PCDH17: variants seen among roughly 807,000 people sequenced by gnomAD.
PCDH17 encodes the protein protocadherin 17.
In PCDH17, 21 loss-of-function variants were observed where a neutral mutation model predicts 67.7. That is an observed-to-expected ratio of 0.31 (90% CI 0.22 to 0.45). The LOEUF is 0.45. PCDH17 is among the 20% of genes least tolerant of loss of function. The pLI, the probability that PCDH17 is intolerant of heterozygous loss-of-function variation, is 1.00. For missense variants in PCDH17, 1,471 were observed against 1,564.8 expected (o/e 0.94, Z 1.01); for synonymous variants, 701 against 656.7 (o/e 1.07, Z -1.03).
intron 3 of PCDH17, among the ~76,000 whole-genome samples, chr13:57,696,865 A>G (rs1463012224): frequency 1.3e-5 from 2 of 151,612 alleles, no homozygotes; most frequent in Non-Finnish European, 3.0e-5. Context: ...AGAAGAAAGG[A>G]GTCAAATATA....
Position 57,633,576 on chromosome 13 carries a change from C to T in PCDH17, c.1030C>T (p.Arg344Cys). 6.2e-7 allele frequency: 1 copy of T among 1,613,490 alleles called. No individual in the cohort carries two copies. The highest frequency in any genetic ancestry group is 8.5e-7 in the Non-Finnish European group (1 of 1,180,030). The change falls in exon 1 of 4, where the codon CGC becomes TGC. Residue 344 changes from arginine (R) to cysteine (C), a missense_variant. By Grantham distance (180) the Arg-to-Cys change is radical (BLOSUM62 -3). Coordinates refer to ENST00000377918, the MANE Select transcript of PCDH17 (RefSeq NM_001040429.3). The surrounding 1 kb of genome is among the most constrained non-coding windows in gnomAD (Gnocchi z 6.2). ...CAAAGTCACGGTCAAGCTCATCGAC[C>T]GCAACGACAATGCGCCGTCCATCGG... Reference protein sequence around the residue: ...HCKVTVKLIDRNDNAPSIGFV... With the variant: ...HCKVTVKLIDCNDNAPSIGFV...
At chr13:57,694,059 T>A (rs750546838) in intron 3 of PCDH17, among the ~76,000 whole-genome samples, 2 of 151,050 alleles carry the variant, frequency 1.3e-5, no homozygotes, top group Admixed American at 6.6e-5. Flanking sequence ...TAGCCAAGTT[T>A]TATATTTCCA....
Position 57,635,089 on chromosome 13 carries a change from C to G in PCDH17, c.2543C>G (p.Ala848Gly). 1 of 1,613,464 alleles carries G rather than the reference C, an allele frequency of 6.2e-7. No homozygotes were observed. Among genetic ancestry groups the G allele is most frequent in the Non-Finnish European group, 8.5e-7 (1 of 1,179,976 alleles). Residue 848 changes from alanine to glycine, a missense_variant, in exon 1 of 4, where the codon GCC becomes GGC. By Grantham distance (60) the Ala-to-Gly change is moderately conservative. Coordinates refer to ENST00000377918, the MANE Select transcript of PCDH17 (RefSeq NM_001040429.3). ...GGGACTAATGCAAGCGAGACCCCTG[C>G]CACTCGGATGTCCATAATTCAGGTA... ...GQGTNASETP[A>G]TRMSIIQTDN...
intron 3 of PCDH17, among the ~76,000 whole-genome samples, chr13:57,670,167 C>T (rs983649177): frequency 4.0e-5 from 6 of 151,852 alleles, no homozygotes; most frequent in African/African-American, 1.4e-4. Flanking sequence ...GAGTAGTTTA[C>T]TCAGAAATAA....
In PCDH17 at chr13:57,634,199, G is replaced by A; in HGVS notation, c.1653G>A (p.Lys551=). Residue 551 remains lysine (K), a synonymous_variant, in exon 1 of 4, where the codon AAG becomes AAA. Coordinates refer to ENST00000377918, the MANE Select transcript of PCDH17 (RefSeq NM_001040429.3). The surrounding 1 kb of genome is among the most constrained non-coding windows in gnomAD (Gnocchi z 7.8). ...AGCAGACCAAGGCTTTTGAGTTCAA[G>A]GTGCTTGCTAAGGACTCGGGGGCGC... ...NFEQTKAFEF[K]VLAKDSGAPA... is the part of the protein sequence containing the mutation. 6.2e-7 allele frequency: 1 copy of A among 1,613,486 alleles called. No homozygotes were observed. Among genetic ancestry groups the A allele is most frequent in the Non-Finnish European group, 8.5e-7 (1 of 1,180,032 alleles).
intron 1 of PCDH17, among the ~76,000 whole-genome samples, chr13:57,657,572 C>T (rs1487979498): frequency 2.6e-5 from 4 of 152,140 alleles, no homozygotes; most frequent in South Asian, 2.1e-4. Flanking sequence ...AATGTCGGTA[C>T]GAAAAGGCTT....
At chr13:57,672,219 T>G (rs957059698) in intron 3 of PCDH17, among the ~76,000 whole-genome samples, 2 of 152,052 alleles carry the variant, frequency 1.3e-5, no homozygotes, top group African/African-American at 2.4e-5. Flanking sequence ...TTTTCCTTCC[T>G]AGAACATTCT....
intron 1 of PCDH17, among the ~76,000 whole-genome samples, chr13:57,635,497 TTC>T (rs1385295780): frequency 6.6e-5 from 10 of 152,102 alleles, no homozygotes; most frequent in African/African-American, 2.4e-5. Flanking sequence ...AATATTTTTA[TTC>T]TGTTTTTTTA....
At chr13:57,693,595 A>G (rs1438561304) in intron 3 of PCDH17, among the ~76,000 whole-genome samples, 1 of 150,358 alleles carries the variant, frequency 6.7e-6, no homozygotes, top group Non-Finnish European at 1.5e-5. Context: ...TTTGGATCTT[A>G]TTATTTCAAA....
chr13:57,683,762 C>A (rs917663644), intron 3 of PCDH17, among the ~76,000 whole-genome samples: 1 of 151,840 alleles, frequency 6.6e-6, no homozygotes, highest in Non-Finnish European at 1.5e-5. Flanking sequence ...CTAATTAAAT[C>A]ATTCAATTTG....
At position 57,634,714 on chromosome 13, in the gene PCDH17, T is replaced by C. The variant is rs1593888883; in HGVS notation, c.2168T>C (p.Met723Thr). ...ATCTCCATCATCCTCCTAGCGGCCA[T>C]GATCACCATCGCCGTCAAGTGCAAG... is the stretch of plus-strand genomic sequence containing the variant. ...STISIILLAA[M>T]ITIAVKCKRE... The change falls in exon 1 of 4, where the codon ATG becomes ACG. Residue 723 changes from methionine (M) to threonine (T), a missense_variant. Physicochemically the swap from Met to Thr is moderately conservative, Grantham distance 81. Around this residue, in one of 3 missense-constraint regions of PCDH17, gnomAD observed 1,163 missense variants for 1,230.0 expected, o/e 0.95. Transcript: ENST00000377918. The surrounding 1 kb of genome is among the most constrained non-coding windows in gnomAD (Gnocchi z 7.8). 1 of 1,613,834 alleles carries C rather than the reference T, an allele frequency of 6.2e-7. No homozygotes were observed. Among genetic ancestry groups the C allele is most frequent in the Non-Finnish European group, 8.5e-7 (1 of 1,180,010 alleles).
intron 3 of PCDH17, among the ~76,000 whole-genome samples, chr13:57,680,581 T>G (rs938293748): frequency 6.8e-6 from 1 of 147,632 alleles, no homozygotes; most frequent in Non-Finnish European, 1.5e-5. Flanking sequence ...TTTAGAATGA[T>G]TTTTTTTTTA....
chr13:57,671,029 T>C (rs1352312643), intron 3 of PCDH17, among the ~76,000 whole-genome samples: 5 of 151,920 alleles, frequency 3.3e-5, no homozygotes, highest in Non-Finnish European at 5.9e-5. Context: ...TTTAGTGTGA[T>C]GGGAAAAAAA....
intron 3 of PCDH17, among the ~76,000 whole-genome samples, chr13:57,669,082 C>T (rs909088091): frequency 1.3e-5 from 2 of 151,820 alleles, no homozygotes; most frequent in African/African-American, 4.8e-5. Context: ...TGAGTGAGAA[C>T]ATGCGGTGTT....
intron 3 of PCDH17, among the ~76,000 whole-genome samples, chr13:57,679,290 C>G (rs1202877878): frequency 6.7e-6 from 1 of 150,304 alleles, no homozygotes; most frequent in African/African-American, 2.4e-5. Flanking sequence ...ACTACGAAGA[C>G]ACATTATTTA....
intron 3 of PCDH17, among the ~76,000 whole-genome samples, chr13:57,711,985 A>G (rs1223653923): frequency 6.6e-6 from 1 of 151,552 alleles, no homozygotes; most frequent in East Asian, 1.9e-4. Flanking sequence ...TAATAAAACA[A>G]CTATACTCAA....
rs150039929 is a variant in PCDH17, at chr13:57,634,745, G to T, written c.2199G>T (p.Glu733Asp). Reference protein sequence around the residue: ...MITIAVKCKRENKEIRTYNCR... With the variant: ...MITIAVKCKRDNKEIRTYNCR... ...CCATCGCCGTCAAGTGCAAGCGCGA[G>T]AACAAGGAGATCCGCACTTACAACT... Residue 733 changes from glutamate to aspartate, a missense_variant, in exon 1 of 4, where the codon GAG becomes GAT. Glu to Asp is a conservative substitution (Grantham distance 45). Coordinates refer to ENST00000377918, the MANE Select transcript of PCDH17 (RefSeq NM_001040429.3). The surrounding 1 kb of genome is among the most constrained non-coding windows in gnomAD (Gnocchi z 7.8). The T allele has an allele frequency of 7.5e-4, 1,210 of 1,613,976 alleles. 2 individuals are homozygous for T. Among genetic ancestry groups the T allele is most frequent in the Non-Finnish European group, 9.8e-4 (1,154 of 1,180,014 alleles).
intron 1 of PCDH17, among the ~76,000 whole-genome samples, chr13:57,636,305 A>C (rs1228194300): frequency 1.3e-5 from 2 of 152,206 alleles, no homozygotes; most frequent in Non-Finnish European, 2.9e-5. Context: ...GAGGAAGATT[A>C]GTTTGGGGCA....
chr13:57,642,264 C>A (rs1269414280), intron 1 of PCDH17, among the ~76,000 whole-genome samples: 1 of 151,646 alleles, frequency 6.6e-6, no homozygotes, highest in Admixed American at 6.6e-5. Flanking sequence ...AGGACCATTT[C>A]TTGTTTACGC....
Sources: gnomAD v4.1 joint callset for allele counts (sites outside exome capture counted in the v4.1 genomes callset) on GRCh38, gnomAD v4.1.1 for gene constraint, gnomAD v4.1.1 regional missense constraint, Gnocchi (gnomAD v3.1) non-coding constraint, MANE v1.5 for transcripts, NCBI Gene and HGNC (gene_info 2026-07-23, HGNC 2026-07-21) for gene names.